The following TIGD2 variants were observed in gnomAD, a reference collection of about 807,000 sequenced individuals.
TIGD2 encodes tigger transposable element-derived protein 2.
Under a neutral mutation model 27.0 loss-of-function variants are expected in TIGD2, and 14 were observed. The observed-to-expected ratio is 0.52, with a 90% confidence interval of 0.34 to 0.81. TIGD2 has a LOEUF of 0.81. Ranked by LOEUF, TIGD2 falls within the 30% of genes least tolerant of loss-of-function variation. TIGD2 has a pLI of 0.01. For missense variants in TIGD2, 590 were observed against 617.3 expected (o/e 0.96, Z 0.47); for synonymous variants, 201 against 209.0 (o/e 0.96, Z 0.33).
Position 89,113,677 on chromosome 4 carries a change from C to G in TIGD2, c.703C>G (p.Arg235Gly), listed in dbSNP as rs747612189. 1.9e-6 allele frequency: 3 copies of G among 1,614,106 alleles called. No homozygotes were observed. The highest frequency in any genetic ancestry group is 1.7e-5 in the Admixed American group (1 of 60,012). Residue 235 changes from arginine to glycine, a missense_variant, in exon 2 of 2, where the codon CGA becomes GGA. By Grantham distance (125) the Arg-to-Gly change is moderately radical. This residue lies in a region of TIGD2 where 451 missense variants were observed against 448.0 expected (regional missense o/e 1.01). Coordinates refer to ENST00000603357, the MANE Select transcript of TIGD2 (RefSeq NM_145715.3). ...LCVVGKAKKP[R>G]AFKGTDLSNL... The stretch of plus-strand genomic sequence containing the variant: ...TGTTGTGGGGAAGGCCAAAAAGCCC[C>G]GAGCATTCAAAGGCACTGACCTTTC...
In TIGD2 at chr4:89,114,589, G is replaced by T. The variant is rs777687942; in HGVS notation, c.*37G>T. The T allele has an allele frequency of 1.3e-6, 2 of 1,521,312 alleles. No homozygotes were observed. Among genetic ancestry groups the T allele is most frequent in the African/African-American group, 2.8e-5 (2 of 72,076 alleles). The allele number at this position is 1,521,312 out of a possible 1,614,324, so 94.2% of individuals were successfully genotyped here. A position where few individuals can be genotyped will look rare whatever the true frequency, so the allele number is the denominator to read the frequency against. ...AGTATTTCAGTGTATCTGCATCTTTGTGACTATCTGCAGTGAAACTTTGCT... is the reference window on the plus strand; with the variant it reads ...AGTATTTCAGTGTATCTGCATCTTTTTGACTATCTGCAGTGAAACTTTGCT... On this transcript the variant is annotated 3_prime_UTR_variant, in exon 2 of 2. Transcript: ENST00000603357.
In TIGD2 at chr4:89,113,678, G is replaced by T; in HGVS notation, c.704G>T (p.Arg235Leu). 6.2e-7 allele frequency: 1 copy of T among 1,614,130 alleles called. No homozygotes were observed. Among genetic ancestry groups the T allele is most frequent in the South Asian group, 1.1e-5 (1 of 91,066 alleles). Residue 235 changes from arginine (R) to leucine (L), a missense_variant, in exon 2 of 2, where the codon CGA (arginine) becomes CTA (leucine). This residue lies in a region of TIGD2 where 451 missense variants were observed against 448.0 expected (regional missense o/e 1.01). Coordinates refer to ENST00000603357, the MANE Select transcript of TIGD2 (RefSeq NM_145715.3). The part of the protein sequence containing the change: ...LCVVGKAKKP[R>L]AFKGTDLSNL... Reference sequence around the variant, plus strand: ...GTTGTGGGGAAGGCCAAAAAGCCCCGAGCATTCAAAGGCACTGACCTTTCA... The same window carrying T: ...GTTGTGGGGAAGGCCAAAAAGCCCCTAGCATTCAAAGGCACTGACCTTTCA...
At position 89,112,989 on chromosome 4, in the gene TIGD2, T is replaced by C. The variant is rs769780297; in HGVS notation, c.15T>C (p.Arg5=). 1 of 1,573,016 alleles carries C rather than the reference T, an allele frequency of 6.4e-7. No individual in the cohort carries two copies. The part of the protein sequence containing the change: MLGK[R]KRVVLTIKDK... ...AGACACTTAAAATGTTGGGGAAACG[T>C]AAGCGTGTGGTGTTGACAATTAAGG... The change falls in exon 2 of 2, where the codon CGT becomes CGC. Residue 5 remains arginine, a synonymous_variant. Coordinates refer to ENST00000603357, the MANE Select transcript of TIGD2 (RefSeq NM_145715.3).
upstream of TIGD2, chr4:89,111,224 C>G: frequency 1.0e-6 from 1 of 985,152 alleles, no homozygotes; most frequent in Non-Finnish European, 1.2e-6. Flanking sequence ...CCCCCCAGCA[C>G]TGGGGGGGTG....
At chr4:89,111,453 C>T (rs1281686279), upstream of TIGD2, 1 of 155,916 alleles carries the variant, frequency 6.4e-6, no homozygotes, top group Admixed American at 6.6e-5. Flanking sequence ...AGTCCCCTCC[C>T]CCGGGCCGCG....
In TIGD2 at chr4:89,113,391, T is replaced by C. The variant is rs756298406; in HGVS notation, c.417T>C (p.Ala139=). 2 of 1,614,176 alleles carry C rather than the reference T, an allele frequency of 1.2e-6. No individual in the cohort carries two copies. Among genetic ancestry groups the C allele is most frequent in the South Asian group, 2.2e-5 (2 of 91,084 alleles). Residue 139 remains alanine, a synonymous_variant, in exon 2 of 2, where the codon GCT becomes GCC. Transcript: ENST00000603357. ...AGCGCCATGGTATTCCAAAGGCTGC[T>C]GGTAAAGGAACAAAATTAAAAGGAG... The part of the protein sequence containing the change: ...FKQRHGIPKA[A]GKGTKLKGDE...
In TIGD2 at chr4:89,112,891, A is replaced by T; in HGVS notation, c.-84A>T. On this transcript the variant is annotated 5_prime_UTR_variant, in exon 2 of 2. Coordinates refer to ENST00000603357, the MANE Select transcript of TIGD2 (RefSeq NM_145715.3). ...AGAAGTGAGAGGAGGAATCTTACGA[A>T]CTCATTTTCTAGTTGCTTTGTATTC... 4 of 1,232,138 alleles carry T rather than the reference A, an allele frequency of 3.2e-6. No homozygotes were observed. The highest frequency in any genetic ancestry group is 4.5e-6 in the Non-Finnish European group (4 of 882,242). The allele number at this position is 1,232,138 out of a possible 1,614,324, so 76.3% of individuals were successfully genotyped here. A position where few individuals can be genotyped will look rare whatever the true frequency, so the allele number is the denominator to read the frequency against.
At position 89,114,786 on chromosome 4, in the gene TIGD2, G is replaced by T. The variant is rs1201178485; in HGVS notation, c.*234G>T. ...CTAATATCTATTAATTAGATCATAA[G>T]GTACCTGAGGCCAGGGATCTTGTGT... On this transcript the variant is annotated 3_prime_UTR_variant, in exon 2 of 2. Transcript: ENST00000603357. The T allele has an allele frequency of 4.9e-6, 2 of 410,578 alleles. No individual in the cohort carries two copies. The highest frequency in any genetic ancestry group is 8.9e-6 in the Non-Finnish European group (2 of 224,202). The allele number at this position is 410,578 out of a possible 1,614,324, so 25.4% of individuals were successfully genotyped here. A position where few individuals can be genotyped will look rare whatever the true frequency, so the allele number is the denominator to read the frequency against.
rs145757787 is a variant in TIGD2, at chr4:89,114,034, A to G, written c.1060A>G (p.Lys354Glu). ...ATACATGGATGAAGGAAATGACCCA[A>G]AAATATTTTGGAAGAACTTGACAGT... ...QKYMDEGNDP[K>E]IFWKNLTVLD... is the part of the protein sequence containing the mutation. The change falls in exon 2 of 2, where the codon AAA (lysine) becomes GAA (glutamate). Residue 354 changes from lysine (K) to glutamate (E), a missense_variant. Lys to Glu is a moderately conservative substitution (Grantham distance 56). This residue lies in a region of TIGD2 where 451 missense variants were observed against 448.0 expected (regional missense o/e 1.01). Transcript: ENST00000603357. The G allele has an allele frequency of 6.4e-5, 104 of 1,614,058 alleles. No homozygotes were observed. The African/African-American group carries it at 1.2e-3, about 19-fold the overall frequency.
At position 89,114,307 on chromosome 4, in the gene TIGD2, A is replaced by C. The variant is rs141253259; in HGVS notation, c.1333A>C (p.Thr445Pro). The change falls in exon 2 of 2, where the codon ACT becomes CCT. Residue 445 changes from threonine to proline, a missense_variant. Around this residue, in one of 3 missense-constraint regions of TIGD2, gnomAD observed 451 missense variants for 448.0 expected, o/e 1.01. Coordinates refer to ENST00000603357, the MANE Select transcript of TIGD2 (RefSeq NM_145715.3). Reference protein sequence around the residue: ...RSSDSSCQVLTDSESAEDQTK... With the variant: ...RSSDSSCQVLPDSESAEDQTK... ...CAGTGACTCAAGCTGTCAGGTGCTG[A>C]CTGACAGTGAAAGTGCTGAGGACCA... 1 of 1,614,136 alleles carries C rather than the reference A, an allele frequency of 6.2e-7. No homozygotes were observed. The highest frequency in any genetic ancestry group is 1.3e-5 in the African/African-American group (1 of 75,062).
In TIGD2 at chr4:89,114,583, A is replaced by G. The variant is rs752725189; in HGVS notation, c.*31A>G. 6 of 1,531,968 alleles carry G rather than the reference A, an allele frequency of 3.9e-6. No individual in the cohort carries two copies. The highest frequency in any genetic ancestry group is 2.0e-5 in the Admixed American group (1 of 48,798). The allele number at this position is 1,531,968 out of a possible 1,614,324, so 94.9% of individuals were successfully genotyped here. On this transcript the variant is annotated 3_prime_UTR_variant, in exon 2 of 2. Transcript: ENST00000603357. ...CTCTTAAGTATTTCAGTGTATCTGC[A>G]TCTTTGTGACTATCTGCAGTGAAAC...
Position 89,113,922 on chromosome 4 carries a change from A to C in TIGD2, c.948A>C (p.Pro316=). The part of the protein sequence containing the change: ...DDGRIIVKYL[P]PNVTSLIQPM... ...GCAGAATAATTGTGAAGTATTTGCC[A>C]CCAAATGTCACAAGTCTGATTCAAC... is the stretch of plus-strand genomic sequence containing the variant. Residue 316 remains proline (P), a synonymous_variant, in exon 2 of 2, where the codon CCA becomes CCC. Transcript: ENST00000603357. 6.2e-7 allele frequency: 1 copy of C among 1,614,152 alleles called. No homozygotes were observed. Among genetic ancestry groups the C allele is most frequent in the South Asian group, 1.1e-5 (1 of 91,078 alleles).
chr4:89,113,796 A>G lies in TIGD2; in HGVS notation c.822A>G (p.Val274=). Residue 274 remains valine, a synonymous_variant, in exon 2 of 2, where the codon GTA becomes GTG. Transcript: ENST00000603357. ...TTGAAAAGTACTTTGTGCCACAGGTACAGAAGCATTTGAAATCCAAGGGAC... is the reference window on the plus strand; with the variant it reads ...TTGAAAAGTACTTTGTGCCACAGGTGCAGAAGCATTTGAAATCCAAGGGAC... ...QWFEKYFVPQ[V]QKHLKSKGLL... is the part of the protein sequence containing the mutation. The G allele has an allele frequency of 1.2e-6, 2 of 1,614,218 alleles. No homozygotes were observed. Among genetic ancestry groups the G allele is most frequent in the Non-Finnish European group, 1.7e-6 (2 of 1,180,046 alleles).
At chr4:89,111,353 G>A (rs974576387), upstream of TIGD2, 4 of 425,540 alleles carry the variant, frequency 9.4e-6, no homozygotes, top group East Asian at 4.7e-4. Flanking sequence ...AGGCACTGCG[G>A]CCCCGAAACG....
chr4:89,112,855 A>G lies in TIGD2; in HGVS notation c.-120A>G. ...CTTGTCAGGAAATTGGTCACTATCC[A>G]TCTAGGCCCTAGAAGTGAGAGGAGG... is the stretch of plus-strand genomic sequence containing the variant. On this transcript the variant is annotated 5_prime_UTR_variant, in exon 2 of 2. Transcript: ENST00000603357. 1.2e-6 allele frequency: 1 copy of G among 859,838 alleles called. No homozygotes were observed. Among genetic ancestry groups the G allele is most frequent in the Non-Finnish European group, 1.8e-6 (1 of 562,360 alleles). The allele number at this position is 859,838 out of a possible 1,614,324, so 53.3% of individuals were successfully genotyped here. A position where few individuals can be genotyped will look rare whatever the true frequency, so the allele number is the denominator to read the frequency against.
Position 89,113,298 on chromosome 4 carries a change from C to CT in TIGD2, c.330dup (p.Asp111Ter). ...CGATTTGTGCAAAACAAGCCAAGTT[C>CT]TTTTTTGATGCTTTGGGAATGGAAG... is the stretch of plus-strand genomic sequence containing the variant. On this transcript the variant is annotated frameshift_variant, in exon 2 of 2. Coordinates refer to ENST00000603357, the MANE Select transcript of TIGD2 (RefSeq NM_145715.3). LOFTEE classifies it high-confidence loss of function. The CT allele has an allele frequency of 6.2e-7, 1 of 1,614,094 alleles. No individual in the cohort carries two copies. Among genetic ancestry groups the CT allele is most frequent in the Non-Finnish European group, 8.5e-7 (1 of 1,180,010 alleles).
At position 89,113,301 on chromosome 4, in the gene TIGD2, T is replaced by C. The variant is rs768599080; in HGVS notation, c.327T>C (p.Phe109=). The change falls in exon 2 of 2, where the codon TTT becomes TTC. Residue 109 remains phenylalanine (F), a synonymous_variant. Transcript: ENST00000603357. ...GTICAKQAKF[F]FDALGMEGDF... ...TTTGTGCAAAACAAGCCAAGTTCTT[T>C]TTTGATGCTTTGGGAATGGAAGGTG... The C allele has an allele frequency of 1.2e-6, 2 of 1,614,168 alleles. No homozygotes were observed. The highest frequency in any genetic ancestry group is 1.7e-6 in the Non-Finnish European group (2 of 1,180,028).
rs776232013 is a variant in TIGD2, at chr4:89,113,464, G to A, written c.490G>A (p.Glu164Lys). Residue 164 changes from glutamate (E) to lysine (K), a missense_variant, in exon 2 of 2, where the codon GAA becomes AAA. Coordinates refer to ENST00000603357, the MANE Select transcript of TIGD2 (RefSeq NM_145715.3). ...TTGTGGTAGCTTTCAGGAATTTGTT[G>A]AAAAAGAGAATCTACAACCAGAGCA... ...EFCGSFQEFV[E>K]KENLQPEQIY... 6.8e-6 allele frequency: 11 copies of A among 1,613,850 alleles called. No homozygotes were observed. Among genetic ancestry groups the A allele is most frequent in the African/African-American group, 6.7e-5 (5 of 74,898 alleles).
Position 89,113,782 on chromosome 4 carries a change from T to G in TIGD2, c.808T>G (p.Phe270Val). 1 of 1,614,218 alleles carries G rather than the reference T, an allele frequency of 6.2e-7. No homozygotes were observed. The highest frequency in any genetic ancestry group is 8.5e-7 in the Non-Finnish European group (1 of 1,180,048). ...SVFRQWFEKY[F>V]VPQVQKHLKS... ...TTTCAGACAGTGGTTTGAAAAGTAC[T>G]TTGTGCCACAGGTACAGAAGCATTT... Residue 270 changes from phenylalanine to valine, a missense_variant, in exon 2 of 2, where the codon TTT becomes GTT. Transcript: ENST00000603357.
Sources: gnomAD v4.1 joint callset for allele counts on GRCh38, gnomAD v4.1.1 for gene constraint, gnomAD v4.1.1 regional missense constraint, MANE v1.5 for transcripts, NCBI Gene and HGNC (gene_info 2026-07-23, HGNC 2026-07-21) for gene names.